Variants in CCDC171 observed in about 807,000 individuals in gnomAD.
CCDC171 encodes the protein coiled-coil domain containing 171.
Under a neutral mutation model 168.2 loss-of-function variants are expected in CCDC171, and 177 were observed. The observed-to-expected ratio is 1.05, with a 90% CI of 0.93 to 1.19. CCDC171 has a LOEUF of 1.19. Ranked by LOEUF, CCDC171 falls within the 50% of genes most tolerant of loss-of-function variation. CCDC171 has a pLI of 0.00. For synonymous variants in CCDC171, 687 were observed against 540.8 expected (o/e 1.27, Z -3.75); for missense variants, 1,991 against 1,539.0 (o/e 1.29, Z -4.91).
At chr9:15,994,316 C>G (rs1426172103) in intron 3 of CCDC171, among the ~76,000 whole-genome samples, 1 of 152,144 alleles carries the variant, frequency 6.6e-6, no homozygotes, top group Non-Finnish European at 1.5e-5. Flanking sequence ...AACCATCATT[C>G]TCAGCAAACT....
chr9:16,055,617 G>A (rs771341534), intron 1 of CCDC171, among the ~76,000 whole-genome samples: 7 of 152,210 alleles, frequency 4.6e-5, no homozygotes, highest in Non-Finnish European at 8.8e-5. Flanking sequence ...ATCCTTCTGC[G>A]TTAGCTTTTG....
intron 7 of CCDC171, among the ~76,000 whole-genome samples, chr9:15,640,451 A>G (rs777032801): frequency 2.0e-4 from 30 of 152,132 alleles, no homozygotes; most frequent in Admixed American, 4.6e-4. Flanking sequence ...ATTATGTATC[A>G]TACGAGGCCC....
intron 11 of CCDC171, 32 bp downstream of exon 11, chr9:15,695,369 C>A (rs1340859580): frequency 2.6e-6 from 4 of 1,510,930 alleles, no homozygotes; most frequent in Non-Finnish European, 3.7e-6. Flanking sequence ...ACAGATGCAT[C>A]TGTCAATGTT....
chr9:15,714,387 C>T (rs748203696), intron 11 of CCDC171, among the ~76,000 whole-genome samples: 1 of 152,130 alleles, frequency 6.6e-6, no homozygotes, highest in Non-Finnish European at 1.5e-5. Context: ...ATATGTGTTC[C>T]AAACTCGGAG....
chr9:15,985,969 C>T (rs1397142819), intron 3 of CCDC171, among the ~76,000 whole-genome samples: 2 of 152,144 alleles, frequency 1.3e-5, no homozygotes, highest in South Asian at 2.1e-4. Flanking sequence ...CCATTATTGG[C>T]TAGTCATAAA....
At chr9:15,858,921 G>A (rs757935619) in intron 23 of CCDC171, among the ~76,000 whole-genome samples, 24 of 152,034 alleles carry the variant, frequency 1.6e-4, no homozygotes, top group Non-Finnish European at 2.9e-4. Context: ...TCAGTGATAT[G>A]TTGAATACAA....
chr9:15,864,323 A>T (rs1482705689), intron 23 of CCDC171, among the ~76,000 whole-genome samples: 1 of 151,772 alleles, frequency 6.6e-6, no homozygotes, highest in African/African-American at 2.4e-5. Context: ...TTCTTTTTTT[A>T]TTATACTTTA....
At chr9:15,626,214 G>T (rs959980184) in intron 7 of CCDC171, among the ~76,000 whole-genome samples, 10 of 152,110 alleles carry the variant, frequency 6.6e-5, no homozygotes, top group African/African-American at 1.7e-4. Context: ...GGAGATTTTG[G>T]GCTGAGACGA....
chr9:15,832,855 T>G (rs959716949), intron 21 of CCDC171, among the ~76,000 whole-genome samples: 1 of 152,192 alleles, frequency 6.6e-6, no homozygotes, highest in Admixed American at 6.5e-5. Context: ...TTTAAAATCC[T>G]TTTTTTAACG....
chr9:15,952,821 A>G (rs985303450), intron 25 of CCDC171, among the ~76,000 whole-genome samples: 8 of 152,070 alleles, frequency 5.3e-5, no homozygotes, highest in African/African-American at 1.4e-4. Context: ...TTAACATGAG[A>G]TATGTTTCCA....
At chr9:15,795,548 C>G (rs1001198661) in intron 21 of CCDC171, among the ~76,000 whole-genome samples, 16 of 152,086 alleles carry the variant, frequency 1.1e-4, no homozygotes, top group African/African-American at 3.9e-4. Flanking sequence ...GGACTCAACA[C>G]CAAATGATGA....
At chr9:15,960,910 G>T (rs906490132) in intron 25 of CCDC171, among the ~76,000 whole-genome samples, 5 of 152,112 alleles carry the variant, frequency 3.3e-5, no homozygotes, top group Admixed American at 6.6e-5. Context: ...GGGAAATAAA[G>T]GCAGCTTGCA....
the CCDC171 span, among the ~76,000 whole-genome samples, chr9:16,096,319 A>G: frequency 6.6e-6 from 1 of 152,172 alleles, no homozygotes; most frequent in African/African-American, 2.4e-5. Context: ...TTTATCCTGT[A>G]AGTCTGCATA....
downstream of CCDC171, among the ~76,000 whole-genome samples, chr9:16,066,090 A>G (rs1416893707): frequency 6.6e-6 from 1 of 152,086 alleles, no homozygotes; most frequent in Non-Finnish European, 1.5e-5. Flanking sequence ...GGACATCAGG[A>G]GCTTGAGTAG....
Position 15,692,260 on chromosome 9 carries a change from G to A in CCDC171, c.1216-2975G>A, listed in dbSNP as rs181547993. ...GCATGGGCACACACCTGTAGTCTCAGCTCTCAGGAGGCTGAGGCATGAGAA... is the reference window on the plus strand; with the variant it reads ...GCATGGGCACACACCTGTAGTCTCAACTCTCAGGAGGCTGAGGCATGAGAA... On this transcript the variant is annotated intron_variant, in intron 10 of 25. Coordinates refer to ENST00000380701, the MANE Select transcript of CCDC171 (RefSeq NM_173550.4). Among the ~76,000 whole-genome samples, 20 of 151,994 alleles carry A rather than the reference G, an allele frequency of 1.3e-4. No homozygotes were observed. The East Asian group carries it at 2.3e-3, about 18-fold the overall frequency.
At chr9:15,904,580 A>T (rs1344944713) in intron 24 of CCDC171, among the ~76,000 whole-genome samples, 1 of 152,218 alleles carries the variant, frequency 6.6e-6, no homozygotes, top group South Asian at 2.1e-4. Context: ...GCCAAATTGT[A>T]AAGACCATCG....
intron 3 of CCDC171, among the ~76,000 whole-genome samples, chr9:15,995,638 C>A (rs1015153036): frequency 1.3e-5 from 2 of 152,210 alleles, no homozygotes; most frequent in South Asian, 2.1e-4. Flanking sequence ...TAGACTTGTT[C>A]TCGTATCAGA....
chr9:15,558,707 A>T (rs755293414), intron 1 of CCDC171, among the ~76,000 whole-genome samples: 5 of 152,006 alleles, frequency 3.3e-5, no homozygotes, highest in Non-Finnish European at 7.4e-5. Context: ...GATATTTTGA[A>T]GGGTTTTTTT....
intron 11 of CCDC171, among the ~76,000 whole-genome samples, chr9:15,710,465 G>A (rs1037975021): frequency 6.6e-6 from 1 of 151,980 alleles, no homozygotes; most frequent in Non-Finnish European, 1.5e-5. Flanking sequence ...ACCATGCCCC[G>A]CTAATTTTTT....
Sources: gnomAD v4.1 joint callset for allele counts (sites outside exome capture counted in the v4.1 genomes callset) on GRCh38, gnomAD v4.1.1 for gene constraint, MANE v1.5 for transcripts, NCBI Gene and HGNC (gene_info 2026-07-23, HGNC 2026-07-21) for gene names.